Variants in ATOSB observed in about 807,000 individuals in gnomAD.
ATOSB encodes the protein atos homolog B.
the ATOSB span, chr9:35,108,575 T>C: frequency 0.99 from 1,161,354 of 1,168,606 alleles, 577,355 homozygotes; most frequent in Non-Finnish European, 1. Context: ...CACTTCCCCC[T>C]CTTCTCCCTG....
the ATOSB span, chr9:35,111,158 C>G: frequency 1.3e-5 from 2 of 154,346 alleles, no homozygotes; most frequent in East Asian, 3.8e-4. Flanking sequence ...TCCCTTACCC[C>G]CTGCCCAGCC....
the ATOSB span, chr9:35,105,008 C>T: frequency 4.4e-6 from 2 of 452,590 alleles, no homozygotes; most frequent in African/African-American, 4.0e-5. This position sits in a 1 kb window ranked among gnomAD's most constrained non-coding sequence, Gnocchi z 5.5. Flanking sequence ...CTGGGAAACC[C>T]AAGGGAGGGG....
chr9:35,105,131 A>T, the ATOSB span: 5 of 1,392,368 alleles, frequency 3.6e-6, no homozygotes, highest in African/African-American at 1.5e-5. This position sits in a 1 kb window ranked among gnomAD's most constrained non-coding sequence, Gnocchi z 5.5. Context: ...TTCAAGCCTG[A>T]AGGGTCTCTT....
At chr9:35,106,506 C>T in the ATOSB span, 3 of 1,594,446 alleles carry the variant, frequency 1.9e-6, no homozygotes, top group African/African-American at 2.7e-5. The surrounding 1 kb of genome is among the most constrained non-coding windows in gnomAD (Gnocchi z 4.6). Flanking sequence ...TCTCCCAGGA[C>T]CCCGGCAATC....
the ATOSB span, among the ~76,000 whole-genome samples, chr9:35,114,113 C>T: frequency 1.3e-5 from 2 of 152,210 alleles, no homozygotes; most frequent in South Asian, 2.1e-4. Flanking sequence ...TCCAGGCATT[C>T]GAATGCTCTG....
At chr9:35,105,398 C>T in the ATOSB span, 8 of 1,591,318 alleles carry the variant, frequency 5.0e-6, no homozygotes, top group African/African-American at 1.3e-5. This position sits in a 1 kb window ranked among gnomAD's most constrained non-coding sequence, Gnocchi z 5.5. Flanking sequence ...ATGTGATCAA[C>T]GTAAGAATCC....
the ATOSB span, among the ~76,000 whole-genome samples, chr9:35,115,089 C>T: frequency 2.6e-5 from 4 of 151,876 alleles, no homozygotes; most frequent in Non-Finnish European, 5.9e-5. Flanking sequence ...CTGGGAGGAA[C>T]AGGAACTAGG....
the ATOSB span, chr9:35,104,633 G>A: frequency 9.3e-6 from 4 of 430,642 alleles, no homozygotes; most frequent in Admixed American, 1.1e-4. Context: ...CAGAGGGTAG[G>A]GGAAGTGAAG....
the ATOSB span, chr9:35,115,699 T>G: frequency 6.7e-6 from 1 of 149,028 alleles, no homozygotes; most frequent in Non-Finnish European, 1.5e-5. Context: ...AGTCCCCAAC[T>G]GCTCCCGCGA....
At chr9:35,108,404 T>C in the ATOSB span, 1 of 1,409,512 alleles carries the variant, frequency 7.1e-7, no homozygotes, top group Non-Finnish European at 9.2e-7. Context: ...GTCTTCTTCC[T>C]TCCAGCTGAG....
the ATOSB span, among the ~76,000 whole-genome samples, chr9:35,113,795 G>T: frequency 6.6e-6 from 1 of 151,784 alleles, no homozygotes; most frequent in Non-Finnish European, 1.5e-5. Context: ...TAGAATGGAA[G>T]CTCCATGAGA....
At chr9:35,105,015 G>C in the ATOSB span, 1 of 467,182 alleles carries the variant, frequency 2.1e-6, no homozygotes, top group Non-Finnish European at 3.7e-6. The surrounding 1 kb of genome is among the most constrained non-coding windows in gnomAD (Gnocchi z 5.5). Context: ...ACCCAAGGGA[G>C]GGGACAGGCA....
the ATOSB span, chr9:35,107,983 T>G: frequency 6.3e-7 from 1 of 1,596,504 alleles, no homozygotes; most frequent in South Asian, 1.1e-5. Context: ...AGCCCCACAG[T>G]AGATGGTTCT....
the ATOSB span, chr9:35,105,381 G>A: frequency 6.2e-7 from 1 of 1,606,314 alleles, no homozygotes; most frequent in Non-Finnish European, 8.5e-7. The surrounding 1 kb of genome is among the most constrained non-coding windows in gnomAD (Gnocchi z 5.5). Flanking sequence ...GAACCTGGAG[G>A]AGGACAATGT....
At chr9:35,106,810 A>G in the ATOSB span, 3 of 1,559,806 alleles carry the variant, frequency 1.9e-6, no homozygotes, top group African/African-American at 1.4e-5. This position sits in a 1 kb window ranked among gnomAD's most constrained non-coding sequence, Gnocchi z 4.6. Flanking sequence ...GGGACAGGGT[A>G]GAGGAAAAAG....
At chr9:35,106,007 G>A in the ATOSB span, 2 of 1,612,930 alleles carry the variant, frequency 1.2e-6, no homozygotes, top group Non-Finnish European at 1.7e-6. This position sits in a 1 kb window ranked among gnomAD's most constrained non-coding sequence, Gnocchi z 4.6. Context: ...GATCCACGAT[G>A]CCCTGGAAGG....
the ATOSB span, among the ~76,000 whole-genome samples, chr9:35,114,129 T>G: frequency 6.6e-6 from 1 of 152,228 alleles, no homozygotes; most frequent in Non-Finnish European, 1.5e-5. Context: ...CTCTGCTGCC[T>G]GTACCAAAGC....
At chr9:35,108,176 G>A in the ATOSB span, 3 of 1,594,342 alleles carry the variant, frequency 1.9e-6, no homozygotes, top group African/African-American at 1.4e-5. Context: ...TGTAGCCCAT[G>A]AGCAGGCCAC....
chr9:35,114,268 G>A, the ATOSB span, among the ~76,000 whole-genome samples: 2 of 152,194 alleles, frequency 1.3e-5, no homozygotes, highest in East Asian at 1.9e-4. Context: ...CCCTCTCTGA[G>A]AGACTGTCTG....
Sources: gnomAD v4.1 joint callset for allele counts (sites outside exome capture counted in the v4.1 genomes callset) on GRCh38, gnomAD v4.1.1 for gene constraint, Gnocchi (gnomAD v3.1) non-coding constraint, MANE v1.5 for transcripts, NCBI Gene and HGNC (gene_info 2026-07-23, HGNC 2026-07-21) for gene names.